The following TRIM27 variants were observed in gnomAD, a reference collection of about 807,000 sequenced individuals.
TRIM27 encodes the protein tripartite motif containing 27.
In TRIM27, 12 loss-of-function variants were observed where a neutral mutation model predicts 57.6. That is an observed-to-expected ratio of 0.21 (90% confidence interval 0.13 to 0.34). TRIM27 has a LOEUF of 0.34. TRIM27 is among the 10% of genes least tolerant of loss of function. The pLI is 1.00. For missense variants in TRIM27, 403 were observed against 656.8 expected (o/e 0.61, Z 4.22); for synonymous variants, 266 against 259.0 (o/e 1.03, Z -0.26).
In TRIM27 at chr6:28,904,268, G is replaced by A. The variant is rs1342788105; in HGVS notation, c.1344C>T (p.Ser448=). Residue 448 remains serine (S), a synonymous_variant, in exon 8 of 8, where the codon TCC becomes TCT. Transcript: ENST00000377199. This position sits in a 1 kb window ranked among gnomAD's most constrained non-coding sequence, Gnocchi z 6.1. ...IFLDYDAGEV[S]FYNVTERCHT... is the part of the protein sequence containing the mutation. Reference sequence around the variant, plus strand: ...GACACCTCTCTGTCACGTTGTAGAAGGAGACCTCACCAGCATCATAGTCCA... The same window carrying A: ...GACACCTCTCTGTCACGTTGTAGAAAGAGACCTCACCAGCATCATAGTCCA... 6.2e-7 allele frequency: 1 copy of A among 1,613,140 alleles called. No individual in the cohort carries two copies. The highest frequency in any genetic ancestry group is 8.5e-7 in the Non-Finnish European group (1 of 1,180,042).
chr6:28,916,365 C>G (rs553153498), intron 3 of TRIM27, among the ~76,000 whole-genome samples: 1 of 151,428 alleles, frequency 6.6e-6, no homozygotes, highest in South Asian at 2.1e-4. Context: ...CTAGCCTGAC[C>G]AACATGGGGA....
chr6:28,921,994 A>C lies in TRIM27; in HGVS notation c.421-7T>G. On this transcript the variant is annotated splice_polypyrimidine_tract_variant and splice_region_variant and intron_variant, in intron 1 of 7. Coordinates refer to ENST00000377199, the MANE Select transcript of TRIM27 (RefSeq NM_006510.5). Reference sequence around the variant, plus strand: ...GCTGGTTCTGGATTTGCTCCTGAGAAAAGCAAAACAGATGGGCAGTTCAAA... The same window carrying C: ...GCTGGTTCTGGATTTGCTCCTGAGACAAGCAAAACAGATGGGCAGTTCAAA... 1 of 1,608,168 alleles carries C rather than the reference A, an allele frequency of 6.2e-7. No homozygotes were observed. The highest frequency in any genetic ancestry group is 8.5e-7 in the Non-Finnish European group (1 of 1,175,602).
At chr6:28,907,841 C>T in intron 6 of TRIM27, 1 of 327,786 alleles carries the variant, frequency 3.1e-6, no homozygotes, top group Non-Finnish European at 6.0e-6. Context: ...TGGAGTTTCT[C>T]CCCATTTGTC....
rs772319391 is a variant in TRIM27, at chr6:28,904,390, C to T, written c.1222G>A (p.Ala408Thr). The T allele has an allele frequency of 6.2e-7, 1 of 1,613,072 alleles. No homozygotes were observed. The highest frequency in any genetic ancestry group is 8.5e-7 in the Non-Finnish European group (1 of 1,180,030). Reference protein sequence around the residue: ...VTSAPQNGFWAVSLWYGKEYW... With the variant: ...VTSAPQNGFWTVSLWYGKEYW... ...TCTTTCCCATACCACAAAGACACTG[C>T]CCAGAATCCATTCTGGGGGGCTGAG... The change falls in exon 8 of 8, where the codon GCA becomes ACA. Residue 408 changes from alanine (A) to threonine (T), a missense_variant. Physicochemically the swap from Ala to Thr is moderately conservative, Grantham distance 58. Coordinates refer to ENST00000377199, the MANE Select transcript of TRIM27 (RefSeq NM_006510.5). The surrounding 1 kb of genome is among the most constrained non-coding windows in gnomAD (Gnocchi z 6.1).
Position 28,921,854 on chromosome 6 carries a change from C to G in TRIM27, c.516+38G>C, listed in dbSNP as rs780400205. ...ACATCAGCTCTACAGAAGAGGAGAGCACCAGCAGAACCAACTGTGAATTCC... is the reference window on the plus strand; with the variant it reads ...ACATCAGCTCTACAGAAGAGGAGAGGACCAGCAGAACCAACTGTGAATTCC... On this transcript the variant is annotated intron_variant, in intron 2 of 7. Coordinates refer to ENST00000377199, the MANE Select transcript of TRIM27 (RefSeq NM_006510.5). 9.3e-6 allele frequency: 14 copies of G among 1,508,324 alleles called. No homozygotes were observed. In the South Asian group the frequency reaches 1.5e-4, roughly 16 times the overall value. The allele number at this position is 1,508,324 out of a possible 1,614,324, so 93.4% of individuals were successfully genotyped here.
chr6:28,921,859 G>C (rs755067451), intron 2 of TRIM27, 33 bp downstream of exon 2: 2 of 1,546,316 alleles, frequency 1.3e-6, no homozygotes, highest in South Asian at 2.2e-5. Context: ...GAGAGCACCA[G>C]CAGAACCAAC....
chr6:28,919,627 A>G (rs1252677940), intron 3 of TRIM27, among the ~76,000 whole-genome samples: 1 of 152,174 alleles, frequency 6.6e-6, no homozygotes, highest in East Asian at 1.9e-4. Context: ...TAATACATTA[A>G]AACTACAGGA....
chr6:28,904,501 G>C lies in TRIM27; in HGVS notation c.1111C>G (p.His371Asp). ...TCTCCCACCTCTACCTCCCAATAAT[G>C]TCTCCCGGCGATGAAGCATGGAGAG... is the stretch of plus-strand genomic sequence containing the variant. Reference protein sequence around the residue: ...LGSPCFIAGRHYWEVEVGDKA... With the variant: ...LGSPCFIAGRDYWEVEVGDKA... The change falls in exon 8 of 8, where the codon CAT becomes GAT. Residue 371 changes from histidine (H) to aspartate (D), a missense_variant. Transcript: ENST00000377199. This position sits in a 1 kb window ranked among gnomAD's most constrained non-coding sequence, Gnocchi z 6.1. 1 of 1,612,840 alleles carries C rather than the reference G, an allele frequency of 6.2e-7. No individual in the cohort carries two copies. Among genetic ancestry groups the C allele is most frequent in the Non-Finnish European group, 8.5e-7 (1 of 1,180,010 alleles).
chr6:28,921,334 C>T (rs966029680), intron 2 of TRIM27, among the ~76,000 whole-genome samples: 2 of 151,626 alleles, frequency 1.3e-5, no homozygotes, highest in African/African-American at 4.9e-5. Context: ...GAGCCAAAAC[C>T]TCACCATTGC....
chr6:28,910,123 GAAAAA>G lies in TRIM27; in HGVS notation c.771-1040_771-1036del, dbSNP rs9278120. On this transcript the variant is annotated intron_variant, in intron 4 of 7. Coordinates refer to ENST00000377199, the MANE Select transcript of TRIM27 (RefSeq NM_006510.5). The stretch of plus-strand genomic sequence containing the variant: ...CCCTGCCTCTACAAAAAAGAAAAAT[GAAAAA>G]AAAAAAAAAAAAAAAACGAAGAAAA... Among the ~76,000 whole-genome samples, 615 of 97,574 alleles carry G rather than the reference GAAAAA, an allele frequency of 6.3e-3. 10 individuals are homozygous for G. The highest frequency in any genetic ancestry group is 0.056 in the South Asian group (166 of 2,976). The allele number at this position is 97,574 out of a possible 152,430, so 64.0% of individuals were successfully genotyped here. A position where few individuals can be genotyped will look rare whatever the true frequency, so the allele number is the denominator to read the frequency against.
At chr6:28,918,475 T>C (rs1773778523) in intron 3 of TRIM27, among the ~76,000 whole-genome samples, 1 of 152,160 alleles carries the variant, frequency 6.6e-6, no homozygotes, top group African/African-American at 2.4e-5. Context: ...TTGATATTAT[T>C]TGACCTCAAC....
At chr6:28,909,902 T>C (rs1773052644) in intron 4 of TRIM27, among the ~76,000 whole-genome samples, 1 of 152,110 alleles carries the variant, frequency 6.6e-6, no homozygotes, top group African/African-American at 2.4e-5. Context: ...CCCTCATAGC[T>C]AGATGTGACC....
chr6:28,919,909 G>A lies in TRIM27; in HGVS notation c.747+103C>T, dbSNP rs930431153. 1.2e-5 allele frequency: 13 copies of A among 1,078,648 alleles called. No individual in the cohort carries two copies. In the African/African-American group the frequency reaches 2.1e-4, roughly 17 times the overall value. 66.8% of individuals were successfully genotyped at this position (1,078,648 alleles called of 1,614,324 possible). ...AGTTTGGCAAGCTCTTGCTATTCCT[G>A]CAGAGTTAAAAAGAAGACAGGGGGT... On this transcript the variant is annotated intron_variant, in intron 3 of 7. Transcript: ENST00000377199.
chr6:28,907,037 C>T, intron 7 of TRIM27, 199 bp downstream of exon 7: 1 of 557,974 alleles, frequency 1.8e-6, no homozygotes, highest in South Asian at 2.4e-5. Flanking sequence ...ATGGCTTCAG[C>T]TCTGAGACAT....
intron 3 of TRIM27, chr6:28,914,684 T>C (rs1296774172): frequency 1.3e-5 from 2 of 150,384 alleles, no homozygotes; most frequent in Non-Finnish European, 3.0e-5. Context: ...CTACATAATA[T>C]ATCCGAGTAA....
chr6:28,911,351 T>C lies in TRIM27; in HGVS notation c.770+345A>G, dbSNP rs1336245138. The C allele has an allele frequency of 2.4e-5, 5 of 204,354 alleles. No individual in the cohort carries two copies. The East Asian group carries it at 3.8e-4, about 16-fold the overall frequency. The allele number at this position is 204,354 out of a possible 1,614,324, so 12.7% of individuals were successfully genotyped here. The stretch of plus-strand genomic sequence containing the variant: ...TTCCCCCATTACAGAAAAAAAAAAA[T>C]GAGATAATGAAGGGGGAAAGGATTC... On this transcript the variant is annotated intron_variant, in intron 4 of 7. Coordinates refer to ENST00000377199, the MANE Select transcript of TRIM27 (RefSeq NM_006510.5).
chr6:28,909,135 G>C, intron 4 of TRIM27, 47 bp from the exon 5 acceptor site: 3 of 1,363,950 alleles, frequency 2.2e-6, no homozygotes, highest in Non-Finnish European at 3.1e-6. Context: ...TTGAGATGGA[G>C]TTTCGCTTGT....
chr6:28,904,559 G>C lies in TRIM27; in HGVS notation c.1053C>G (p.Pro351=), dbSNP rs748715287. The C allele has an allele frequency of 3.7e-6, 6 of 1,611,730 alleles. No homozygotes were observed. The highest frequency in any genetic ancestry group is 4.2e-6 in the Non-Finnish European group (5 of 1,180,032). ...CACAGGGAAACAGATTGAACCTCTC[G>C]GGGTTGTCAGGCAGGTCCTGTTGGA... ...SYLQQDLPDN[P]ERFNLFPCVL... Residue 351 remains proline (P), a synonymous_variant, in exon 8 of 8, where the codon CCC becomes CCG. Coordinates refer to ENST00000377199, the MANE Select transcript of TRIM27 (RefSeq NM_006510.5). The surrounding 1 kb of genome is among the most constrained non-coding windows in gnomAD (Gnocchi z 6.1).
Position 28,917,637 on chromosome 6 carries a change from G to A in TRIM27, c.747+2375C>T, listed in dbSNP as rs148135184. On this transcript the variant is annotated intron_variant, in intron 3 of 7. Transcript: ENST00000377199. Reference sequence around the variant, plus strand: ...CAGAATGGTTACACTATAAATAGATGTTCACTGACCAAATACTCCTACTAG... The same window carrying A: ...CAGAATGGTTACACTATAAATAGATATTCACTGACCAAATACTCCTACTAG... Among the ~76,000 whole-genome samples, 856 of 151,160 alleles carry A rather than the reference G, an allele frequency of 5.7e-3. 6 individuals are homozygous for A. The highest frequency in any genetic ancestry group is 0.019 in the African/African-American group (777 of 41,220).
Sources: allele counts gnomAD v4.1 joint callset (sites outside exome capture counted in the v4.1 genomes callset), GRCh38; gene constraint gnomAD v4.1.1; non-coding constraint Gnocchi (gnomAD v3.1); transcripts MANE v1.5; gene names NCBI Gene and HGNC (gene_info 2026-07-23, HGNC 2026-07-21).